The following GPX6 variants were observed in gnomAD, a reference collection of about 807,000 sequenced individuals.
The protein encoded by GPX6 is glutathione peroxidase 6 (olfactory).
GPX6 carries 21 observed loss-of-function variants against 20.0 expected under a neutral mutation model. That is an observed-to-expected ratio of 1.05 (90% CI 0.74 to 1.51). GPX6 has a LOEUF of 1.51. GPX6 is among the 40% of genes most tolerant of loss of function. GPX6 has a pLI of 0.00. For synonymous variants in GPX6, 75 were observed against 98.0 expected, an observed-to-expected ratio of 0.77 and a Z score of 1.38; for missense variants, 233 against 254.7, an observed-to-expected ratio of 0.91 and a Z score of 0.58.
intron 1 of GPX6, among the ~76,000 whole-genome samples, chr6:28,514,526 C>T (rs1458860017): frequency 6.6e-6 from 1 of 152,180 alleles, no homozygotes; most frequent in Non-Finnish European, 1.5e-5. Flanking sequence ...AGTAAGCTGT[C>T]TTATGGCTTG....
At position 28,505,789 on chromosome 6, in the gene GPX6, C is replaced by T. The variant is rs770506926; in HGVS notation, c.373G>A (p.Gly125Ser). The change falls in exon 4 of 5, where the codon GGT becomes AGT. Residue 125 changes from glycine to serine, a missense_variant. Coordinates refer to ENST00000361902, the MANE Select transcript of GPX6 (RefSeq NM_182701.1). ...TGGAAACTGGGGACAAAGCCACTAC[C>T]TGGACACACATACCTGCAGTGAACC... ...ILLGLKYVCP[G>S]SGFVPSFQLF... 7 of 1,613,722 alleles carry T rather than the reference C, an allele frequency of 4.3e-6. No homozygotes were observed. Among genetic ancestry groups the T allele is most frequent in the Non-Finnish European group, 2.5e-6 (3 of 1,179,722 alleles).
chr6:28,512,292 G>T (rs6934612), intron 1 of GPX6, among the ~76,000 whole-genome samples: 1 of 152,248 alleles, frequency 6.6e-6, no homozygotes, highest in Non-Finnish European at 1.5e-5. Context: ...GTCTAGCTAA[G>T]GGATTGTAAA....
At chr6:28,508,361 A>G (rs1762827644) in intron 2 of GPX6, among the ~76,000 whole-genome samples, 1 of 152,192 alleles carries the variant, frequency 6.6e-6, no homozygotes, top group South Asian at 2.1e-4. Flanking sequence ...CCTATAGTAG[A>G]CACAATTGGC....
At chr6:28,505,296 T>C (rs1331979806) in intron 4 of GPX6, among the ~76,000 whole-genome samples, 1 of 152,244 alleles carries the variant, frequency 6.6e-6, no homozygotes, top group African/African-American at 2.4e-5. Context: ...GGTCCTTCTA[T>C]CCTGGTATTC....
At chr6:28,512,535 A>T (rs898121080) in intron 1 of GPX6, among the ~76,000 whole-genome samples, 2 of 152,170 alleles carry the variant, frequency 1.3e-5, no homozygotes, top group African/African-American at 4.8e-5. Context: ...CACCCTGTCA[A>T]AACAGACCAC....
Position 28,503,437 on chromosome 6 carries a change from C to A in GPX6, c.*855G>T, listed in dbSNP as rs1339807220. On this transcript the variant is annotated 3_prime_UTR_variant, in exon 5 of 5. Transcript: ENST00000361902. ...AAGTATGACTGGACATAATATGGGA[C>A]TGGGAAAACACCACACAGAGCCAGG... 6.6e-6 allele frequency: 1 copy of A among 152,274 alleles called. No homozygotes were observed. 9.4% of individuals were successfully genotyped at this position (152,274 alleles called of 1,614,324 possible).
intron 4 of GPX6, 78 bp downstream of exon 4, chr6:28,505,625 C>A: frequency 2.6e-6 from 3 of 1,156,660 alleles, no homozygotes; most frequent in Non-Finnish European, 3.9e-6. Context: ...GGAGTCCAAC[C>A]ACAACCCTAG....
In GPX6 at chr6:28,506,439, G is replaced by A; in HGVS notation, c.242-10C>T. ...TGTAGTGCATTCAGTTCTGTAAGTGGACAATGAATAGCAGGGGTGGGCTGG... is the reference window on the plus strand; with the variant it reads ...TGTAGTGCATTCAGTTCTGTAAGTGAACAATGAATAGCAGGGGTGGGCTGG... On this transcript the variant is annotated splice_polypyrimidine_tract_variant and intron_variant, in intron 2 of 4. Transcript: ENST00000361902. 6.6e-7 allele frequency: 1 copy of A among 1,526,478 alleles called. No individual in the cohort carries two copies. Among genetic ancestry groups the A allele is most frequent in the South Asian group, 1.1e-5 (1 of 89,456 alleles). 94.6% of individuals were successfully genotyped at this position (1,526,478 alleles called of 1,614,324 possible).
In GPX6 at chr6:28,503,605, C is replaced by T. The variant is rs1762776907; in HGVS notation, c.*687G>A. Reference sequence around the variant, plus strand: ...TGACCTGAATGCACTAAGGGACAGGCACCAAGGAAGGCTCTGGCAGGGTGC... The same window carrying T: ...TGACCTGAATGCACTAAGGGACAGGTACCAAGGAAGGCTCTGGCAGGGTGC... On this transcript the variant is annotated 3_prime_UTR_variant, in exon 5 of 5. Transcript: ENST00000361902. The T allele has an allele frequency of 6.6e-6, 1 of 152,336 alleles. No individual in the cohort carries two copies. Among genetic ancestry groups the T allele is most frequent in the African/African-American group, 2.4e-5 (1 of 41,432 alleles). 9.4% of individuals were successfully genotyped at this position (152,336 alleles called of 1,614,324 possible).
In GPX6 at chr6:28,515,787, C is replaced by T. The variant is rs530709297; in HGVS notation, c.-44G>A. The stretch of plus-strand genomic sequence containing the variant: ...ACTCTGAGGTCCCCAGGATTTCAGC[C>T]CCTTTTGAGCCCCTGGCAGGGACCA... On this transcript the variant is annotated 5_prime_UTR_variant, in exon 1 of 5. Coordinates refer to ENST00000361902, the MANE Select transcript of GPX6 (RefSeq NM_182701.1). 7.3e-6 allele frequency: 11 copies of T among 1,512,132 alleles called. No homozygotes were observed. In the South Asian group the frequency reaches 1.1e-4, roughly 15 times the overall value. The allele number at this position is 1,512,132 out of a possible 1,614,324, so 93.7% of individuals were successfully genotyped here. A position where few individuals can be genotyped will look rare whatever the true frequency, so the allele number is the denominator to read the frequency against.
In GPX6 at chr6:28,510,888, C is replaced by T. The variant is rs1292544961; in HGVS notation, c.104G>A (p.Gly35Glu). The change falls in exon 2 of 5, where the codon GGG becomes GAG. Residue 35 changes from glycine to glutamate, a missense_variant. Coordinates refer to ENST00000361902, the MANE Select transcript of GPX6 (RefSeq NM_182701.1). ...PQNRKVDCNK[G>E]VTGTIYEYGA... ...ATACTCATAGATGGTGCCTGTTACC[C>T]CTTTGTTGCAATCCACCTGGAATTT... The T allele has an allele frequency of 1.2e-6, 2 of 1,606,048 alleles. No homozygotes were observed. The highest frequency in any genetic ancestry group is 1.7e-6 in the Non-Finnish European group (2 of 1,175,754).
chr6:28,506,707 ACACACACAC>A (rs1655625502), intron 2 of GPX6, among the ~76,000 whole-genome samples: 2 of 69,940 alleles, frequency 2.9e-5, no homozygotes, highest in African/African-American at 9.0e-5. Context: ...TTTTTTTTAA[ACACACACAC>A]ACACACACAC....
At chr6:28,513,127 T>G (rs532310179) in intron 1 of GPX6, among the ~76,000 whole-genome samples, 1 of 152,240 alleles carries the variant, frequency 6.6e-6, no homozygotes, top group South Asian at 2.1e-4. Context: ...CTCTTTTGGC[T>G]CCCCCATCTG....
chr6:28,515,602 G>T, intron 1 of GPX6, 55 bp downstream of exon 1: 1 of 1,362,708 alleles, frequency 7.3e-7, no homozygotes, highest in South Asian at 1.2e-5. Context: ...AACTCTGGCA[G>T]CCAGGTTGGT....
chr6:28,510,000 C>T (rs1213052847), intron 2 of GPX6, among the ~76,000 whole-genome samples: 1 of 152,234 alleles, frequency 6.6e-6, no homozygotes, highest in Non-Finnish European at 1.5e-5. Context: ...AGCATAAAAT[C>T]AGTCCTTGAA....
At chr6:28,505,341 T>C (rs1561998543) in intron 4 of GPX6, among the ~76,000 whole-genome samples, 1 of 152,244 alleles carries the variant, frequency 6.6e-6, no homozygotes, top group Non-Finnish European at 1.5e-5. Context: ...TAAAAGCATT[T>C]ACCACATGGT....
intron 3 of GPX6, 121 bp from the exon 4 acceptor site, chr6:28,505,923 G>A: frequency 4.1e-6 from 3 of 739,120 alleles, no homozygotes; most frequent in Non-Finnish European, 7.1e-6. Flanking sequence ...TGTGCACAGG[G>A]AAGATAAGAA....
intron 1 of GPX6, among the ~76,000 whole-genome samples, chr6:28,511,175 T>A (rs1272014039): frequency 6.6e-6 from 1 of 152,242 alleles, no homozygotes; most frequent in African/African-American, 2.4e-5. Context: ...CATTTACCTC[T>A]GTTCCCTGAC....
intron 1 of GPX6, among the ~76,000 whole-genome samples, chr6:28,514,479 C>T (rs1177172654): frequency 6.6e-6 from 1 of 152,176 alleles, no homozygotes; most frequent in African/African-American, 2.4e-5. Context: ...GGAGGTTGTC[C>T]GTTCAAGTGA....
Sources: gnomAD v4.1 joint callset for allele counts (sites outside exome capture counted in the v4.1 genomes callset) on GRCh38, gnomAD v4.1.1 for gene constraint, MANE v1.5 for transcripts, NCBI Gene and HGNC (gene_info 2026-07-23, HGNC 2026-07-21) for gene names.